Variants in AGBL1 observed in about 807,000 individuals in gnomAD.
AGBL1 encodes AGBL carboxypeptidase 1.
In AGBL1, 130 loss-of-function variants were observed where a neutral mutation model predicts 118.9. The ratio of observed to expected loss-of-function variants is 1.09; its 90% CI spans 0.95 to 1.26. The LOEUF is 1.26. AGBL1 is among the 50% of genes most tolerant of loss of function. The pLI is 0.00. For synonymous variants in AGBL1, 555 were observed against 478.9 expected (o/e 1.16, Z -2.08); for missense variants, 1,584 against 1,298.1 (o/e 1.22, Z -3.38).
At chr15:86,831,591 A>T (rs138255789) in intron 22 of AGBL1, among the ~76,000 whole-genome samples, 2,294 of 152,358 alleles carry the variant, frequency 0.015, 39 homozygotes, top group South Asian at 0.037. Flanking sequence ...CATGTCTCAC[A>T]TCCAGGTCAT....
intron 6 of AGBL1, among the ~76,000 whole-genome samples, chr15:86,238,152 C>T (rs2078583503): frequency 2.6e-5 from 4 of 152,188 alleles, no homozygotes; most frequent in Admixed American, 6.5e-5. Flanking sequence ...TTCTCTGTAT[C>T]ACTTGTCTCT....
At chr15:86,100,697 C>G (rs1425403172) in intron 1 of AGBL1, among the ~76,000 whole-genome samples, 1 of 151,952 alleles carries the variant, frequency 6.6e-6, no homozygotes, top group African/African-American at 2.4e-5. Context: ...TCTGTGGTAT[C>G]AGTTGTAATA....
chr15:86,250,497 G>A (rs2078795139), intron 7 of AGBL1, among the ~76,000 whole-genome samples: 1 of 117,178 alleles, frequency 8.5e-6, no homozygotes, highest in African/African-American at 3.2e-5. Context: ...TTGCACTCCA[G>A]TCTGGGCAAC....
rs112465682 is a variant in AGBL1, at chr15:86,295,953, G to A, written c.2374+545G>A. 5.7e-3 allele frequency: 878 copies of A among 154,806 alleles called. 4 individuals are homozygous for A. Among genetic ancestry groups the A allele is most frequent in the Non-Finnish European group, 9.2e-3 (639 of 69,656 alleles). The allele number at this position is 154,806 out of a possible 1,614,324, so 9.6% of individuals were successfully genotyped here. Reference sequence around the variant, plus strand: ...AGACACACACAAATATACGCATATGGACATATAGACAAACACATAGACACA... The same window carrying A: ...AGACACACACAAATATACGCATATGAACATATAGACAAACACATAGACACA... On this transcript the variant is annotated intron_variant, in intron 17 of 22. Transcript: ENST00000614907.
intron 18 of AGBL1, among the ~76,000 whole-genome samples, chr15:86,470,207 C>A (rs1466281900): frequency 6.6e-6 from 1 of 152,110 alleles, no homozygotes; most frequent in African/African-American, 2.4e-5. Flanking sequence ...AATTTTGGAT[C>A]TGGATTTTAA....
At chr15:86,515,294 T>A (rs2083106403) in intron 18 of AGBL1, among the ~76,000 whole-genome samples, 1 of 152,328 alleles carries the variant, frequency 6.6e-6, no homozygotes, top group Admixed American at 6.5e-5. Flanking sequence ...TGGAAATTCC[T>A]CTGGAGTTTC....
intron 24 of AGBL1, among the ~76,000 whole-genome samples, chr15:87,022,964 C>G (rs1485836384): frequency 6.6e-6 from 1 of 151,946 alleles, no homozygotes; most frequent in Admixed American, 6.6e-5. Flanking sequence ...TCAAAAAGTG[C>G]TCTAAATTTT....
chr15:86,168,403 A>G (rs1053060339), intron 5 of AGBL1, among the ~76,000 whole-genome samples: 2 of 152,196 alleles, frequency 1.3e-5, no homozygotes, highest in African/African-American at 4.8e-5. Flanking sequence ...GCATGAAAAC[A>G]ATGAGTGATA....
At chr15:86,356,242 T>G (rs1210687918) in intron 17 of AGBL1, among the ~76,000 whole-genome samples, 1 of 152,068 alleles carries the variant, frequency 6.6e-6, no homozygotes, top group East Asian at 1.9e-4. Flanking sequence ...AAAAATAGAA[T>G]GGCTTAGAGT....
intron 23 of AGBL1, among the ~76,000 whole-genome samples, chr15:86,935,808 TG>T (rs1319023048): frequency 6.6e-6 from 1 of 152,222 alleles, no homozygotes. Context: ...CAATTGTATG[TG>T]GGTTTTAAAG....
intron 18 of AGBL1, among the ~76,000 whole-genome samples, chr15:86,467,927 G>A (rs2082427809): frequency 6.6e-6 from 1 of 152,042 alleles, no homozygotes; most frequent in Non-Finnish European, 1.5e-5. Flanking sequence ...TTTCTATTTG[G>A]TCATCTTGCC....
chr15:86,099,899 T>A (rs1896611209), intron 1 of AGBL1, among the ~76,000 whole-genome samples: 1 of 152,202 alleles, frequency 6.6e-6, no homozygotes, highest in Non-Finnish European at 1.5e-5. Context: ...ATGGGCATCT[T>A]GTCTTGTTCA....
At chr15:86,713,222 G>C (rs1223675051) in intron 22 of AGBL1, among the ~76,000 whole-genome samples, 1 of 152,096 alleles carries the variant, frequency 6.6e-6, no homozygotes, top group East Asian at 1.9e-4. Context: ...AAAGAGTTTG[G>C]GGAAGGACAA....
rs923006774 is a variant in AGBL1 at position 86,264,472 on chromosome 15, C to G, written c.1301C>G (p.Pro434Arg). 1.2e-6 allele frequency: 2 copies of G among 1,613,982 alleles called. No homozygotes were observed. The highest frequency in any genetic ancestry group is 1.7e-5 in the Admixed American group (1 of 60,020). The change falls in exon 11 of 23, where the codon CCT (proline) becomes CGT (arginine). Residue 434 changes from proline to arginine, a missense_variant. By Grantham distance (103) the Pro-to-Arg change is moderately radical (BLOSUM62 -2). Coordinates refer to ENST00000614907, the MANE Select transcript of AGBL1 (RefSeq NM_001386094.1). ...GTGCATCTAGGCTCCAAAAAAAATC[C>G]TGGAGTGAACCTGTACCAAAATGTG... ...STVHLGSKKN[P>R]GVNLYQNVQS...
At chr15:86,443,286 T>C (rs1450248827) in intron 18 of AGBL1, among the ~76,000 whole-genome samples, 21 of 152,220 alleles carry the variant, frequency 1.4e-4, no homozygotes, top group Non-Finnish European at 1.5e-5. Context: ...GAATCTCCTA[T>C]TGAGATAACA....
At chr15:86,161,439 A>G (rs1395189349) in intron 5 of AGBL1, among the ~76,000 whole-genome samples, 1 of 152,202 alleles carries the variant, frequency 6.6e-6, no homozygotes, top group Admixed American at 6.5e-5. Flanking sequence ...GAAGTTAAGT[A>G]ACATGCTGGG....
chr15:86,316,844 A>C (rs775568022), intron 17 of AGBL1: 1 of 152,226 alleles, frequency 6.6e-6, no homozygotes, highest in African/African-American at 2.4e-5. Context: ...TCAGTTGAGC[A>C]CTCGGTCTTG....
Position 86,910,214 on chromosome 15 carries a change from A to G in AGBL1, c.*2920A>G, listed in dbSNP as rs182394344. 6 of 152,368 alleles carry G rather than the reference A, an allele frequency of 3.9e-5. No individual in the cohort carries two copies. Among genetic ancestry groups the G allele is most frequent in the Non-Finnish European group, 8.8e-5 (6 of 68,040 alleles). 9.4% of individuals were successfully genotyped at this position (152,368 alleles called of 1,614,324 possible). A position where few individuals can be genotyped will look rare whatever the true frequency, so the allele number is the denominator to read the frequency against. On this transcript the variant is annotated 3_prime_UTR_variant, in exon 23 of 23. Transcript: ENST00000614907. The stretch of plus-strand genomic sequence containing the variant: ...TCTTGAAGAATATGCAGGAGTTTTC[A>G]AGTATAAAGGGAGAAAAGACATGCG...
At chr15:86,686,613 A>G (rs1295104093) in intron 22 of AGBL1, among the ~76,000 whole-genome samples, 1 of 151,810 alleles carries the variant, frequency 6.6e-6, no homozygotes, top group Non-Finnish European at 1.5e-5. Context: ...AATTTTTTGT[A>G]TCTTTAGTAG....
Sources: gnomAD v4.1 joint callset for allele counts (sites outside exome capture counted in the v4.1 genomes callset) on GRCh38, gnomAD v4.1.1 for gene constraint, MANE v1.5 for transcripts, NCBI Gene and HGNC (gene_info 2026-07-23, HGNC 2026-07-21) for gene names.